LUZP2: variants seen among roughly 807,000 people sequenced by gnomAD.
LUZP2 encodes leucine zipper protein 2.
Under a neutral mutation model 51.6 loss-of-function variants are expected in LUZP2, and 52 were observed. The ratio of observed to expected loss-of-function variants is 1.01; its 90% CI spans 0.81 to 1.27. LUZP2 has a LOEUF of 1.27. Among genes scored for constraint, LUZP2 ranks in the 50% most tolerant of loss-of-function variants. The probability of loss-of-function intolerance (pLI) is 0.00; values close to 1 mark genes in which losing one functional copy is unlikely to be tolerated. For missense variants in LUZP2, 436 were observed against 395.4 expected (o/e 1.10, Z -0.87); for synonymous variants, 154 against 137.3 (o/e 1.12, Z -0.85).
chr11:24,915,780 G>A (rs74376670), intron 7 of LUZP2, among the ~76,000 whole-genome samples: 9,801 of 151,824 alleles, frequency 0.065, 586 homozygotes, highest in African/African-American at 0.16. Context: ...AAGAGTAACT[G>A]AGGTTCTTGC....
chr11:24,984,067 G>A (rs4922702), intron 9 of LUZP2, among the ~76,000 whole-genome samples: 149,994 of 151,646 alleles, frequency 0.99, 74,212 homozygotes, highest in Middle Eastern at 1. Context: ...GGGGGAGGGA[G>A]TTTTGTTTTG....
chr11:24,576,539 G>A (rs1319506515), intron 1 of LUZP2, among the ~76,000 whole-genome samples: 2 of 151,278 alleles, frequency 1.3e-5, no homozygotes, highest in Admixed American at 6.6e-5. Context: ...ATAGTTAGGA[G>A]AGGTAGGGAA....
At chr11:24,756,937 G>C (rs1476223989) in intron 4 of LUZP2, among the ~76,000 whole-genome samples, 1 of 152,128 alleles carries the variant, frequency 6.6e-6, no homozygotes, top group Non-Finnish European at 1.5e-5. Context: ...TTAGTTTTCT[G>C]GAGTGCCTTA....
chr11:24,805,814 G>A (rs970622982), intron 5 of LUZP2, among the ~76,000 whole-genome samples: 2 of 152,154 alleles, frequency 1.3e-5, no homozygotes, highest in Admixed American at 1.3e-4. Context: ...GAAGTAAGAC[G>A]AGAAAGGGAA....
At chr11:25,078,521 T>A (rs539764975) in intron 11 of LUZP2, 33 bp from the exon 12 acceptor site, 12 of 1,533,288 alleles carry the variant, frequency 7.8e-6, no homozygotes, top group Non-Finnish European at 1.1e-5. Flanking sequence ...TTATTTTGAT[T>A]CTTCGAATTG....
intron 1 of LUZP2, among the ~76,000 whole-genome samples, chr11:24,497,805 C>G (rs1362355347): frequency 6.6e-6 from 1 of 152,156 alleles, no homozygotes; most frequent in East Asian, 1.9e-4. Context: ...TCCTGGACTC[C>G]TGAAATGGCA....
chr11:24,569,631 G>C (rs886860630), intron 1 of LUZP2, among the ~76,000 whole-genome samples: 2 of 151,878 alleles, frequency 1.3e-5, no homozygotes, highest in Admixed American at 1.3e-4. Context: ...GAAGAAAATA[G>C]TTGTTTGTAA....
chr11:24,929,494 T>C (rs1186803953), intron 7 of LUZP2, among the ~76,000 whole-genome samples: 1 of 152,028 alleles, frequency 6.6e-6, no homozygotes, highest in African/African-American at 2.4e-5. Context: ...CATTGAGGAG[T>C]AGGTTATTTA....
chr11:24,659,317 A>G (rs1855930784), intron 1 of LUZP2, among the ~76,000 whole-genome samples: 1 of 152,160 alleles, frequency 6.6e-6, no homozygotes, highest in African/African-American at 2.4e-5. Context: ...AAACTGTCTC[A>G]AGGACAAAAA....
intron 5 of LUZP2, among the ~76,000 whole-genome samples, chr11:24,839,653 A>G (rs146853035): frequency 1.3e-5 from 2 of 151,684 alleles, no homozygotes; most frequent in Admixed American, 1.3e-4. Flanking sequence ...CTTCATGGGC[A>G]TCTTACTGTT....
intron 7 of LUZP2, among the ~76,000 whole-genome samples, chr11:24,946,743 A>T (rs1854911854): frequency 2.0e-5 from 3 of 151,976 alleles, no homozygotes; most frequent in Middle Eastern, 3.4e-3. Flanking sequence ...TGCTGTATTG[A>T]CCTCATTTAC....
chr11:24,749,849 T>C (rs1357919097), intron 4 of LUZP2, among the ~76,000 whole-genome samples: 1 of 152,118 alleles, frequency 6.6e-6, no homozygotes, highest in Non-Finnish European at 1.5e-5. Context: ...GGCTGCACTG[T>C]CAGCTTCCCA....
At chr11:24,900,081 T>C (rs1371462328) in intron 5 of LUZP2, among the ~76,000 whole-genome samples, 1 of 152,188 alleles carries the variant, frequency 6.6e-6, no homozygotes, top group African/African-American at 2.4e-5. Flanking sequence ...GGCTCTCATT[T>C]TCCTGATTCT....
At chr11:24,924,187 C>G in intron 7 of LUZP2, among the ~76,000 whole-genome samples, 1 of 151,910 alleles carries the variant, frequency 6.6e-6, no homozygotes, top group African/African-American at 2.4e-5. Context: ...AAGTGACTCT[C>G]CTGCCTCAGC....
intron 9 of LUZP2, among the ~76,000 whole-genome samples, chr11:25,001,788 T>TCTATCTCTTCCTCTCTGTCTG (rs1392871444): frequency 6.6e-6 from 1 of 152,178 alleles, no homozygotes; most frequent in African/African-American, 2.4e-5. Flanking sequence ...ACTTTGTCTC[T>TCTATCTCTTCCTCTCTGTCTG]CTATCTCTTC....
intron 5 of LUZP2, among the ~76,000 whole-genome samples, chr11:24,853,609 A>T (rs1208227219): frequency 2.6e-5 from 4 of 151,844 alleles, no homozygotes; most frequent in Non-Finnish European, 5.9e-5. Flanking sequence ...CCACCTTCTG[A>T]AGCCTACTTC....
intron 4 of LUZP2, among the ~76,000 whole-genome samples, chr11:24,749,859 A>T (rs1448008796): frequency 1.3e-5 from 2 of 152,100 alleles, no homozygotes; most frequent in Non-Finnish European, 2.9e-5. Context: ...TCAGCTTCCC[A>T]GCTTTTGAGG....
chr11:24,758,709 T>G (rs765783139), intron 4 of LUZP2, among the ~76,000 whole-genome samples: 1 of 152,060 alleles, frequency 6.6e-6, no homozygotes, highest in Non-Finnish European at 1.5e-5. Context: ...TATTTTAGAT[T>G]TAAGAGCAGA....
chr11:24,808,592 T>A (rs1849921598), intron 5 of LUZP2, among the ~76,000 whole-genome samples: 2 of 152,170 alleles, frequency 1.3e-5, no homozygotes, highest in Admixed American at 1.3e-4. Context: ...TTAAATTTCT[T>A]ATATAAAATT....
Sources: gnomAD v4.1 joint callset for allele counts (sites outside exome capture counted in the v4.1 genomes callset) on GRCh38, gnomAD v4.1.1 for gene constraint, MANE v1.5 for transcripts, NCBI Gene and HGNC (gene_info 2026-07-23, HGNC 2026-07-21) for gene names.